Variants in IGFL2 observed in about 807,000 individuals in gnomAD.
IGFL2 encodes the protein insulin growth factor-like family member 2.
A neutral mutation model predicts 13.9 loss-of-function variants in IGFL2; 7 were observed. The ratio of observed to expected loss-of-function variants is 0.51; its 90% confidence interval spans 0.29 to 0.95. The LOEUF (loss-of-function observed/expected upper bound fraction) is 0.95, where lower values mean the gene tolerates loss of function less well. Among genes scored for constraint, IGFL2 ranks in the 40% least tolerant of loss-of-function variants. The probability of loss-of-function intolerance (pLI) is 0.08; values close to 1 mark genes in which losing one functional copy is unlikely to be tolerated. For synonymous variants in IGFL2, 55 were observed against 55.8 expected (o/e 0.99, Z 0.07); for missense variants, 138 against 147.8 (o/e 0.93, Z 0.34).
chr19:46,121,414 A>G, the IGFL2 span, among the ~76,000 whole-genome samples: 2 of 147,990 alleles, frequency 1.4e-5, no homozygotes, highest in Non-Finnish European at 3.0e-5. Flanking sequence ...AAAAAAGAAG[A>G]AGAAAAGAAA....
chr19:46,136,627 G>T, the IGFL2 span: 17 of 385,824 alleles, frequency 4.4e-5, no homozygotes, highest in Non-Finnish European at 6.0e-5. Flanking sequence ...ACAGGAGGCT[G>T]TTTTAGCAAT....
chr19:46,145,209 T>TTA (rs1005185300), upstream of IGFL2, among the ~76,000 whole-genome samples: 4 of 151,896 alleles, frequency 2.6e-5, no homozygotes, highest in African/African-American at 7.3e-5. Flanking sequence ...TTTTTCGGGG[T>TTA]TATATATATA....
the IGFL2 span, among the ~76,000 whole-genome samples, chr19:46,168,248 ATTGTT>A: frequency 5.9e-5 from 9 of 152,202 alleles, no homozygotes; most frequent in Non-Finnish European, 1.2e-4. Context: ...GGATTACATG[ATTGTT>A]TTGAAAAACA....
At chr19:46,148,943 G>A in intron 1 of IGFL2, 1 of 1,566,442 alleles carries the variant, frequency 6.4e-7, no homozygotes, top group Non-Finnish European at 8.7e-7. Flanking sequence ...TGTAGCCCAG[G>A]CACTATTGCC....
At chr19:46,168,356 C>T in the IGFL2 span, among the ~76,000 whole-genome samples, 2 of 152,172 alleles carry the variant, frequency 1.3e-5, no homozygotes, top group Non-Finnish European at 2.9e-5. Flanking sequence ...TTATTTAAAG[C>T]ATTTCACTCT....
chr19:46,131,583 A>G, the IGFL2 span, among the ~76,000 whole-genome samples: 1 of 152,168 alleles, frequency 6.6e-6, no homozygotes, highest in Non-Finnish European at 1.5e-5. Flanking sequence ...GTCAACACCC[A>G]TTTAATTTTA....
upstream of IGFL2, among the ~76,000 whole-genome samples, chr19:46,146,882 C>T (rs1040626748): frequency 2.6e-5 from 4 of 152,174 alleles, no homozygotes; most frequent in Admixed American, 2.0e-4. Context: ...ATCTCTGTCT[C>T]ACCCTCCCAC....
downstream of IGFL2, among the ~76,000 whole-genome samples, chr19:46,161,768 C>T (rs1294409278): frequency 1.3e-5 from 2 of 152,092 alleles, no homozygotes; most frequent in African/African-American, 2.4e-5. Context: ...CTTTTTTATC[C>T]AGCTTACTAG....
the IGFL2 span, among the ~76,000 whole-genome samples, chr19:46,092,649 A>AT: frequency 1.5e-3 from 212 of 145,766 alleles, no homozygotes; most frequent in African/African-American, 4.0e-3. Flanking sequence ...CAAAAAAAAA[A>AT]TTTTTTTTTT....
chr19:46,185,237 A>AC, the IGFL2 span, among the ~76,000 whole-genome samples: 77 of 148,434 alleles, frequency 5.2e-4, 1 homozygote, highest in African/African-American at 1.7e-3. Context: ...CCTTTTTTCT[A>AC]CCCCCCTCCC....
the IGFL2 span, among the ~76,000 whole-genome samples, chr19:46,194,258 A>C: frequency 6.6e-6 from 1 of 151,810 alleles, no homozygotes; most frequent in Non-Finnish European, 1.5e-5. Flanking sequence ...TAATATCCAA[A>C]ATACCCAGTG....
chr19:46,137,132 G>C, the IGFL2 span: 1 of 1,608,874 alleles, frequency 6.2e-7, no homozygotes, highest in East Asian at 2.2e-5. Flanking sequence ...AGATGTACAG[G>C]AATGAAATGG....
chr19:46,163,292 C>A (rs1172342961), downstream of IGFL2, among the ~76,000 whole-genome samples: 1 of 152,276 alleles, frequency 6.6e-6, no homozygotes, highest in East Asian at 1.9e-4. Context: ...TGTTTATGTT[C>A]CTTCCTCAAG....
At chr19:46,136,014 A>G in the IGFL2 span, among the ~76,000 whole-genome samples, 1 of 152,126 alleles carries the variant, frequency 6.6e-6, no homozygotes, top group African/African-American at 2.4e-5. Context: ...TTCTAGCTGC[A>G]TTTAATATTT....
At chr19:46,141,705 C>T (rs1416885083), upstream of IGFL2, among the ~76,000 whole-genome samples, 6 of 152,096 alleles carry the variant, frequency 3.9e-5, no homozygotes, top group Non-Finnish European at 2.9e-5. Context: ...CAGGGTTTCT[C>T]CTTCTCCCCA....
At chr19:46,111,854 T>C in the IGFL2 span, 1 of 152,208 alleles carries the variant, frequency 6.6e-6, no homozygotes, top group African/African-American at 2.4e-5. Flanking sequence ...GAAAAATCTA[T>C]TAATAGAAAC....
intron 1 of IGFL2, among the ~76,000 whole-genome samples, chr19:46,152,450 T>A (rs190188997): frequency 6.6e-6 from 1 of 152,076 alleles, no homozygotes; most frequent in South Asian, 2.1e-4. Context: ...CTAATTTTTT[T>A]ATGTTTTTAT....
the IGFL2 span, among the ~76,000 whole-genome samples, chr19:46,087,584 G>A: frequency 3.9e-5 from 6 of 152,354 alleles, no homozygotes; most frequent in South Asian, 6.2e-4. Context: ...GCTGCACTGC[G>A]GCCATGCTAC....
the IGFL2 span, among the ~76,000 whole-genome samples, chr19:46,099,638 C>T: frequency 6.6e-6 from 1 of 152,092 alleles, no homozygotes; most frequent in African/African-American, 2.4e-5. Context: ...AAGTGATCTC[C>T]TGCCTTAGCC....
Sources: gnomAD v4.1 joint callset for allele counts (sites outside exome capture counted in the v4.1 genomes callset) on GRCh38, gnomAD v4.1.1 for gene constraint, MANE v1.5 for transcripts, NCBI Gene and HGNC (gene_info 2026-07-23, HGNC 2026-07-21) for gene names.